Variants in UNC5D observed in about 807,000 individuals in gnomAD.
UNC5D encodes the protein netrin receptor UNC5D.
Under a neutral mutation model 105.4 loss-of-function variants are expected in UNC5D, and 39 were observed. The ratio of observed to expected loss-of-function variants is 0.37; its 90% confidence interval spans 0.29 to 0.48. The LOEUF (loss-of-function observed/expected upper bound fraction) is 0.48, where lower values mean the gene tolerates loss of function less well. UNC5D is among the 20% of genes least tolerant of loss of function. UNC5D has a pLI of 0.98. For synonymous variants in UNC5D, 452 were observed against 450.4 expected (o/e 1.00, Z -0.04); for missense variants, 991 against 1,202.4 (o/e 0.82, Z 2.60).
chr8:35,766,755 C>T, intron 14 of UNC5D, 147 bp from the exon 15 acceptor site: 1 of 929,010 alleles, frequency 1.1e-6, no homozygotes, highest in Non-Finnish European at 1.5e-6. Flanking sequence ...TCCACTAAAG[C>T]TGCCTAGGCA....
intron 3 of UNC5D, 149 bp from the exon 4 acceptor site, chr8:35,595,405 T>C: frequency 1.5e-6 from 1 of 668,114 alleles, no homozygotes; most frequent in Admixed American, 2.6e-5. Context: ...AAAACGATTC[T>C]CTTATTCTAG....
chr8:35,504,737 T>C (rs1205290890), intron 1 of UNC5D, among the ~76,000 whole-genome samples: 1 of 152,172 alleles, frequency 6.6e-6, no homozygotes, highest in Admixed American at 6.5e-5. Context: ...TTCTAAAATG[T>C]TTGATGTGTG....
chr8:35,680,135 G>A (rs1314487569), intron 4 of UNC5D, among the ~76,000 whole-genome samples: 1 of 152,056 alleles, frequency 6.6e-6, no homozygotes, highest in Non-Finnish European at 1.5e-5. Context: ...TTTCAATCCT[G>A]TCACAATGGA....
intron 1 of UNC5D, among the ~76,000 whole-genome samples, chr8:35,276,835 C>A (rs1326671814): frequency 2.0e-5 from 3 of 152,216 alleles, no homozygotes; most frequent in African/African-American, 4.8e-5. Flanking sequence ...CAATCCTGAA[C>A]CTTAAGGCAT....
In UNC5D at chr8:35,793,594, C is replaced by T. The variant is rs1215315249; in HGVS notation, c.*3031C>T. ...GCTTTAAATATGGCTTTAAATTATG[C>T]CACCAAAATGGTGCACTTCACAGAT... On this transcript the variant is annotated 3_prime_UTR_variant, in exon 17 of 17. Transcript: ENST00000404895. 2 of 153,494 alleles carry T rather than the reference C, an allele frequency of 1.3e-5. No homozygotes were observed. Among genetic ancestry groups the T allele is most frequent in the African/African-American group, 4.8e-5 (2 of 41,424 alleles). The allele number at this position is 153,494 out of a possible 1,614,324, so 9.5% of individuals were successfully genotyped here. A position where few individuals can be genotyped will look rare whatever the true frequency, so the allele number is the denominator to read the frequency against.
chr8:35,549,653 C>T (rs1418762249), intron 2 of UNC5D, 143 bp downstream of exon 2: 2 of 777,164 alleles, frequency 2.6e-6, no homozygotes, highest in Non-Finnish European at 2.0e-6. Flanking sequence ...ATATAAGATG[C>T]AATCCTTTTC....
intron 1 of UNC5D, among the ~76,000 whole-genome samples, chr8:35,336,962 C>T (rs901388132): frequency 1.3e-5 from 2 of 152,060 alleles, no homozygotes; most frequent in African/African-American, 4.8e-5. Flanking sequence ...TATCTTATAA[C>T]CCTGAAATAA....
chr8:35,261,253 AATTT>A (rs1398576373), intron 1 of UNC5D, among the ~76,000 whole-genome samples: 2 of 152,172 alleles, frequency 1.3e-5, no homozygotes, highest in African/African-American at 2.4e-5. Context: ...AACCTATCTT[AATTT>A]ATTGCCAGTA....
chr8:35,572,994 G>A (rs1173769886), intron 3 of UNC5D, among the ~76,000 whole-genome samples: 1 of 151,824 alleles, frequency 6.6e-6, no homozygotes, highest in African/African-American at 2.4e-5. Context: ...TAGTAGAGAC[G>A]GGGTTTCACC....
At chr8:35,522,879 C>G (rs933122504) in intron 1 of UNC5D, among the ~76,000 whole-genome samples, 4 of 152,040 alleles carry the variant, frequency 2.6e-5, no homozygotes, top group African/African-American at 9.7e-5. Flanking sequence ...CACTGTTTTC[C>G]TCAACCCACA....
intron 8 of UNC5D, among the ~76,000 whole-genome samples, chr8:35,713,066 T>C (rs558489797): frequency 6.6e-6 from 1 of 152,298 alleles, no homozygotes; most frequent in African/African-American, 2.4e-5. Context: ...CTATTTTCTA[T>C]TTTTTATGAT....
At chr8:35,678,527 C>T (rs1230702990) in intron 4 of UNC5D, among the ~76,000 whole-genome samples, 1 of 152,146 alleles carries the variant, frequency 6.6e-6, no homozygotes, top group East Asian at 1.9e-4. Flanking sequence ...ATAATTACCC[C>T]AGTTAAGACT....
chr8:35,710,016 A>C (rs961932684), intron 8 of UNC5D, among the ~76,000 whole-genome samples: 3 of 152,212 alleles, frequency 2.0e-5, no homozygotes, highest in Non-Finnish European at 4.4e-5. Context: ...GAAGCTGGGA[A>C]ACCATTCAGG....
At chr8:35,424,552 C>T (rs1167452064) in intron 1 of UNC5D, among the ~76,000 whole-genome samples, 1 of 152,142 alleles carries the variant, frequency 6.6e-6, no homozygotes, top group East Asian at 1.9e-4. Flanking sequence ...GCTACAGAAT[C>T]TTCTACAAAG....
In UNC5D at chr8:35,795,457, G is replaced by A. The variant is rs762014258; in HGVS notation, c.*4894G>A. 5.3e-5 allele frequency: 8 copies of A among 152,082 alleles called. No individual in the cohort carries two copies. The highest frequency in any genetic ancestry group is 1.0e-4 in the Non-Finnish European group (7 of 68,018). 9.4% of individuals were successfully genotyped at this position (152,082 alleles called of 1,614,324 possible). A position where few individuals can be genotyped will look rare whatever the true frequency, so the allele number is the denominator to read the frequency against. ...TAGGTGGAGATTTAACTATGGTTCT[G>A]GTGAATCATAGAAGGGAGAGACAAT... On this transcript the variant is annotated 3_prime_UTR_variant, in exon 17 of 17. Transcript: ENST00000404895.
chr8:35,607,086 T>C (rs1248290566), intron 4 of UNC5D, among the ~76,000 whole-genome samples: 1 of 152,178 alleles, frequency 6.6e-6, no homozygotes, highest in Non-Finnish European at 1.5e-5. Flanking sequence ...TTCATTTGCT[T>C]CTGAGGGTGC....
chr8:35,316,264 C>T (rs994444156), intron 1 of UNC5D, among the ~76,000 whole-genome samples: 1 of 152,036 alleles, frequency 6.6e-6, no homozygotes, highest in African/African-American at 2.4e-5. Context: ...ATATAAATAA[C>T]ACATTTAGGA....
rs1824868776 is a variant in UNC5D at position 35,672,379 on chromosome 8, T to C, written c.571-11168T>C. 2.0e-5 allele frequency among the ~76,000 whole-genome samples: 3 copies of C among 152,178 alleles called. No homozygotes were observed. In the South Asian group the frequency reaches 6.2e-4, roughly 32 times the overall value. ...ATTGCCTTTAAAAGCCAGCTCCTTA[T>C]AATCTATCTTAGAGAGGTCTGCCCA... is the stretch of plus-strand genomic sequence containing the variant. On this transcript the variant is annotated intron_variant, in intron 4 of 16. Coordinates refer to ENST00000404895, the MANE Select transcript of UNC5D (RefSeq NM_080872.4).
At chr8:35,315,034 G>T (rs1264124284) in intron 1 of UNC5D, among the ~76,000 whole-genome samples, 1 of 152,146 alleles carries the variant, frequency 6.6e-6, no homozygotes, top group East Asian at 1.9e-4. Context: ...GAAAGGCCTG[G>T]AGATGTCAGC....
Sources: allele counts gnomAD v4.1 joint callset (sites outside exome capture counted in the v4.1 genomes callset), GRCh38; gene constraint gnomAD v4.1.1; transcripts MANE v1.5; gene names NCBI Gene and HGNC (gene_info 2026-07-23, HGNC 2026-07-21).